Variants in SOX5 observed in about 807,000 individuals in gnomAD.
The protein encoded by SOX5 is transcription factor SOX-5.
A neutral mutation model predicts 92.0 loss-of-function variants in SOX5; 9 were observed. The ratio of observed to expected loss-of-function variants is 0.10; its 90% CI spans 0.06 to 0.17. The LOEUF is 0.17. SOX5 is among the 10% of genes least tolerant of loss of function. The pLI is 1.00. For synonymous variants in SOX5, 344 were observed against 336.3 expected (o/e 1.02, Z -0.25); for missense variants, 642 against 944.5 (o/e 0.68, Z 4.20).
intron 3 of SOX5, among the ~76,000 whole-genome samples, chr12:23,775,292 C>T (rs1030006039): frequency 3.9e-5 from 6 of 152,070 alleles, no homozygotes; most frequent in Non-Finnish European, 8.8e-5. Context: ...TCAAAAAATC[C>T]TTAATAGGTA....
intron 2 of SOX5, among the ~76,000 whole-genome samples, chr12:24,331,665 T>A (rs1012263172): frequency 6.6e-6 from 1 of 151,466 alleles, no homozygotes; most frequent in East Asian, 1.9e-4. Context: ...CTGGCCAACA[T>A]CATGAAACCC....
chr12:23,862,200 G>A (rs2096763803), intron 2 of SOX5, among the ~76,000 whole-genome samples: 2 of 152,126 alleles, frequency 1.3e-5, no homozygotes, highest in East Asian at 1.9e-4. Context: ...ATAATATGAA[G>A]AGGCCATTCC....
chr12:23,681,054 A>G (rs920343552), intron 6 of SOX5, among the ~76,000 whole-genome samples: 7 of 152,092 alleles, frequency 4.6e-5, no homozygotes, highest in African/African-American at 1.7e-4. Context: ...GTGACTAAAT[A>G]CAAATATACT....
intron 3 of SOX5, among the ~76,000 whole-genome samples, chr12:23,774,620 T>C (rs1183579744): frequency 6.6e-6 from 1 of 152,180 alleles, no homozygotes; most frequent in Non-Finnish European, 1.5e-5. Context: ...ACTATGCTTA[T>C]AATTATACTC....
intron 4 of SOX5, among the ~76,000 whole-genome samples, chr12:24,097,409 C>A (rs964440093): frequency 1.3e-5 from 2 of 151,866 alleles, no homozygotes; most frequent in African/African-American, 4.8e-5. Flanking sequence ...GATACTTGTG[C>A]ACTTTTTGTC....
At chr12:24,050,336 TAC>T (rs1569523636) in intron 4 of SOX5, among the ~76,000 whole-genome samples, 2 of 152,156 alleles carry the variant, frequency 1.3e-5, no homozygotes, top group African/African-American at 4.8e-5. Context: ...TGACTAGACA[TAC>T]ATTACTCAGA....
At chr12:24,266,577 T>C (rs892187298) in intron 3 of SOX5, among the ~76,000 whole-genome samples, 1 of 152,244 alleles carries the variant, frequency 6.6e-6, no homozygotes, top group Admixed American at 6.5e-5. Flanking sequence ...TGATGATTTA[T>C]AAAAATCAAA....
intron 9 of SOX5, 22 bp downstream of exon 9, chr12:23,604,365 A>G: frequency 6.2e-7 from 1 of 1,612,936 alleles, no homozygotes; most frequent in Non-Finnish European, 8.5e-7. Context: ...GTGGCAAGAC[A>G]GTGGCTTCTT....
At chr12:24,104,335 T>A (rs1946429725) in intron 4 of SOX5, among the ~76,000 whole-genome samples, 2 of 152,196 alleles carry the variant, frequency 1.3e-5, no homozygotes, top group South Asian at 4.1e-4. Flanking sequence ...TCTACAGGTT[T>A]TATTCATCTG....
intron 13 of SOX5, 22 bp from the exon 14 acceptor site, chr12:23,536,691 A>T (rs1412444076): frequency 1.3e-6 from 2 of 1,575,854 alleles, no homozygotes; most frequent in South Asian, 1.1e-5. Context: ...GGAGGTTAGG[A>T]TTCCAATTTG....
At chr12:23,864,876 G>T (rs552489534) in intron 2 of SOX5, among the ~76,000 whole-genome samples, 13 of 152,294 alleles carry the variant, frequency 8.5e-5, no homozygotes, top group Admixed American at 2.6e-4. Flanking sequence ...CAAAAACACA[G>T]ATCTTCAGTG....
intron 8 of SOX5, among the ~76,000 whole-genome samples, chr12:23,620,958 T>A (rs2077101974): frequency 6.6e-6 from 1 of 152,146 alleles, no homozygotes; most frequent in Non-Finnish European, 1.5e-5. Flanking sequence ...AAAGGATTTT[T>A]AAACTTTTTC....
intron 1 of SOX5, among the ~76,000 whole-genome samples, chr12:24,401,633 C>T (rs1053976344): frequency 1.3e-5 from 2 of 148,626 alleles, no homozygotes; most frequent in Non-Finnish European, 3.0e-5. Context: ...TGAATTCTGC[C>T]CAGGAGTTGG....
chr12:23,629,033 T>C (rs975654136), intron 8 of SOX5, among the ~76,000 whole-genome samples: 4 of 152,016 alleles, frequency 2.6e-5, no homozygotes, highest in African/African-American at 9.7e-5. Context: ...ACAAGACTTG[T>C]GATGTAAACA....
chr12:23,720,039 G>GTA (rs1173360411), intron 6 of SOX5, among the ~76,000 whole-genome samples: 7 of 152,178 alleles, frequency 4.6e-5, no homozygotes, highest in Non-Finnish European at 7.3e-5. Context: ...GATCATGCTT[G>GTA]TAATGCATTT....
Position 24,069,760 on chromosome 12 carries a change from A to C in SOX5, c.-2+143583T>G, listed in dbSNP as rs947818787. Among the ~76,000 whole-genome samples the C allele has an allele frequency of 2.0e-5, 3 of 152,224 alleles. No homozygotes were observed. The South Asian group carries it at 6.2e-4, about 31-fold the overall frequency. On this transcript the variant is annotated intron_variant, in intron 4 of 4. Coordinates refer to the SOX5 transcript ENST00000446891. ...TCTCCCCAATGTGCTTCAAGATTTC[A>C]TAACACGAGAGACATAGGAGCAAAA...
intron 4 of SOX5, among the ~76,000 whole-genome samples, chr12:24,138,611 G>A (rs900253396): frequency 6.6e-6 from 1 of 151,462 alleles, no homozygotes; most frequent in East Asian, 2.0e-4. Flanking sequence ...GATGGGTATG[G>A]GGAAAATGTT....
chr12:23,628,385 TTTCTATAG>T (rs1478272769), intron 8 of SOX5, among the ~76,000 whole-genome samples: 4 of 152,098 alleles, frequency 2.6e-5, no homozygotes, highest in Non-Finnish European at 5.9e-5. Flanking sequence ...AGGACAATAT[TTTCTATAG>T]TTCTGCTTCA....
At chr12:24,043,316 G>A (rs572875936) in intron 4 of SOX5, among the ~76,000 whole-genome samples, 17 of 152,284 alleles carry the variant, frequency 1.1e-4, no homozygotes, top group Middle Eastern at 3.4e-3. Flanking sequence ...TACCTTGCAC[G>A]CGTAAGCATT....
Sources: gnomAD v4.1 joint callset for allele counts (sites outside exome capture counted in the v4.1 genomes callset) on GRCh38, gnomAD v4.1.1 for gene constraint, MANE v1.5 for transcripts, NCBI Gene and HGNC (gene_info 2026-07-23, HGNC 2026-07-21) for gene names.